ATF6: variants seen among roughly 807,000 people sequenced by gnomAD.
ATF6 encodes cyclic AMP-dependent transcription factor ATF-6 alpha.
In ATF6, 53 loss-of-function variants were observed where a neutral mutation model predicts 83.6. The observed-to-expected ratio is 0.63, with a 90% CI of 0.51 to 0.80. The LOEUF (loss-of-function observed/expected upper bound fraction) is 0.80. Among genes scored for constraint, ATF6 ranks in the 30% least tolerant of loss-of-function variants. The pLI, the probability that ATF6 is intolerant of heterozygous loss-of-function variation, is 0.00. For missense variants in ATF6, 744 were observed against 797.9 expected (o/e 0.93, Z 0.81); for synonymous variants, 288 against 285.8 (o/e 1.01, Z -0.08).
intron 7 of ATF6, among the ~76,000 whole-genome samples, chr1:161,814,815 T>A (rs933293604): frequency 6.6e-6 from 1 of 152,226 alleles, no homozygotes; most frequent in African/African-American, 2.4e-5. Context: ...TATTTGAATA[T>A]TTAAAGTAGG....
chr1:161,933,273 CAA>C (rs1304031628), intron 15 of ATF6, among the ~76,000 whole-genome samples: 1 of 152,172 alleles, frequency 6.6e-6, no homozygotes, highest in Non-Finnish European at 1.5e-5. Context: ...ATCCTGCAAA[CAA>C]GTGATAATTT....
At chr1:161,826,290 T>G (rs968522554) in intron 9 of ATF6, among the ~76,000 whole-genome samples, 1 of 151,960 alleles carries the variant, frequency 6.6e-6, no homozygotes, top group African/African-American at 2.4e-5. Context: ...ACAAAAAAAA[T>G]TTTTTGAGTG....
intron 3 of ATF6, among the ~76,000 whole-genome samples, chr1:161,783,219 A>C (rs186111429): frequency 6.6e-6 from 1 of 152,120 alleles, no homozygotes; most frequent in Non-Finnish European, 1.5e-5. Context: ...CATTACTTCT[A>C]TCTTCTCTTG....
chr1:161,878,720 G>T (rs1032625751), intron 14 of ATF6, among the ~76,000 whole-genome samples: 1 of 152,130 alleles, frequency 6.6e-6, no homozygotes, highest in South Asian at 2.1e-4. Flanking sequence ...TGGGGAAGGA[G>T]TGGTTTATTC....
At chr1:161,894,840 G>A (rs1687642252) in intron 14 of ATF6, among the ~76,000 whole-genome samples, 3 of 151,300 alleles carry the variant, frequency 2.0e-5, no homozygotes, top group South Asian at 4.2e-4. Context: ...GTGAGCTGCT[G>A]TGCCTGTCCT....
At chr1:161,920,140 A>G (rs929317876) in intron 15 of ATF6, among the ~76,000 whole-genome samples, 1 of 151,854 alleles carries the variant, frequency 6.6e-6, no homozygotes, top group Non-Finnish European at 1.5e-5. Context: ...TATTTTTTTT[A>G]AAAAAGTATT....
intron 14 of ATF6, among the ~76,000 whole-genome samples, chr1:161,880,961 A>G (rs1687312700): frequency 6.6e-6 from 1 of 152,122 alleles, no homozygotes; most frequent in Non-Finnish European, 1.5e-5. Flanking sequence ...ATGTAGTGGT[A>G]TCTCATTGTG....
intron 14 of ATF6, among the ~76,000 whole-genome samples, chr1:161,904,371 T>C (rs1687844155): frequency 1.3e-5 from 2 of 152,136 alleles, no homozygotes; most frequent in Non-Finnish European, 2.9e-5. Context: ...GTGGATCACC[T>C]GAGGTCAGGA....
chr1:161,854,337 T>G (rs1244172926), intron 12 of ATF6, among the ~76,000 whole-genome samples: 1 of 152,220 alleles, frequency 6.6e-6, no homozygotes, highest in African/African-American at 2.4e-5. Flanking sequence ...CAACTTGAAA[T>G]TCTTTGCTTC....
intron 15 of ATF6, among the ~76,000 whole-genome samples, chr1:161,939,190 T>C (rs868633344): frequency 7.2e-5 from 11 of 152,338 alleles, no homozygotes; most frequent in South Asian, 4.1e-4. Context: ...ACCTCCTGTC[T>C]GGTTTTGTTT....
chr1:161,871,026 A>T (rs762841516), intron 14 of ATF6, among the ~76,000 whole-genome samples: 36 of 151,636 alleles, frequency 2.4e-4, no homozygotes, highest in Non-Finnish European at 4.6e-4. Flanking sequence ...TTTGTCTTTT[A>T]CAAGATCTAT....
In ATF6 at chr1:161,788,034, A is replaced by G. The variant is rs1448321233; in HGVS notation, c.355-3374A>G. 2.0e-5 allele frequency among the ~76,000 whole-genome samples: 3 copies of G among 152,238 alleles called. No individual in the cohort carries two copies. The East Asian group carries it at 5.8e-4, about 29-fold the overall frequency. On this transcript the variant is annotated intron_variant, in intron 4 of 15. Transcript: ENST00000367942. ...CCTACACCATAATGAATATTTTAAA[A>G]AATGTTCCCTTGCGGACCCATGTGA...
At chr1:161,768,604 C>T (rs1684320509) in intron 1 of ATF6, among the ~76,000 whole-genome samples, 1 of 152,066 alleles carries the variant, frequency 6.6e-6, no homozygotes, top group Non-Finnish European at 1.5e-5. Context: ...TGCTCTGTCG[C>T]CCAGGCTGGA....
intron 14 of ATF6, among the ~76,000 whole-genome samples, chr1:161,896,571 G>A (rs1216447988): frequency 6.6e-6 from 1 of 152,146 alleles, no homozygotes; most frequent in African/African-American, 2.4e-5. Context: ...AGAGAATGTT[G>A]TGTTATTTTT....
intron 4 of ATF6, 139 bp downstream of exon 4, chr1:161,784,235 A>G: frequency 1.6e-6 from 1 of 635,294 alleles, no homozygotes. Flanking sequence ...GAGACTCAAG[A>G]AAGAGCCTTG....
chr1:161,776,534 T>C (rs977895403), intron 1 of ATF6, among the ~76,000 whole-genome samples: 3 of 152,072 alleles, frequency 2.0e-5, no homozygotes, highest in Non-Finnish European at 4.4e-5. Context: ...CAGATATATA[T>C]TTTGAGAACA....
chr1:161,796,277 A>G (rs950005955), intron 6 of ATF6, among the ~76,000 whole-genome samples: 1 of 152,236 alleles, frequency 6.6e-6, no homozygotes, highest in Non-Finnish European at 1.5e-5. Context: ...CTAATTCATT[A>G]TATTTACACC....
At chr1:161,786,970 T>G (rs1684761352) in intron 4 of ATF6, among the ~76,000 whole-genome samples, 1 of 152,228 alleles carries the variant, frequency 6.6e-6, no homozygotes, top group Non-Finnish European at 1.5e-5. Flanking sequence ...TTGTCACTTT[T>G]GGGGATTAGG....
chr1:161,920,531 T>TG (rs1458048294), intron 15 of ATF6, among the ~76,000 whole-genome samples: 1 of 152,024 alleles, frequency 6.6e-6, no homozygotes, highest in Admixed American at 6.6e-5. Context: ...CCTGACCTCA[T>TG]GATCTGCCCG....
Sources: gnomAD v4.1 joint callset for allele counts (sites outside exome capture counted in the v4.1 genomes callset) on GRCh38, gnomAD v4.1.1 for gene constraint, MANE v1.5 for transcripts, NCBI Gene and HGNC (gene_info 2026-07-23, HGNC 2026-07-21) for gene names.